Variants in SCRN3 observed in about 807,000 individuals in gnomAD.
SCRN3 encodes secernin 3.
SCRN3 carries 39 observed loss-of-function variants against 43.1 expected under a neutral mutation model. The ratio of observed to expected loss-of-function variants is 0.91; its 90% confidence interval spans 0.70 to 1.18. SCRN3 has a LOEUF of 1.18. SCRN3 is among the 50% of genes most tolerant of loss of function. The probability of loss-of-function intolerance (pLI) is 0.00; values close to 1 mark genes in which losing one functional copy is unlikely to be tolerated. For synonymous variants in SCRN3, 147 were observed against 163.1 expected (o/e 0.90, Z 0.75); for missense variants, 484 against 498.0 (o/e 0.97, Z 0.27).
intron 6 of SCRN3, among the ~76,000 whole-genome samples, chr2:174,424,005 A>G (rs1686393441): frequency 6.6e-6 from 1 of 151,694 alleles, no homozygotes; most frequent in Non-Finnish European, 1.5e-5. Flanking sequence ...GCCCAAGGCT[A>G]TTCTTGAACT....
chr2:174,397,610 C>G (rs1685367239), intron 1 of SCRN3, among the ~76,000 whole-genome samples: 1 of 152,102 alleles, frequency 6.6e-6, no homozygotes, highest in Non-Finnish European at 1.5e-5. Flanking sequence ...TGAGGAAGTA[C>G]TGGGCACGTA....
intron 5 of SCRN3, among the ~76,000 whole-genome samples, chr2:174,418,414 G>C (rs993277923): frequency 6.6e-6 from 1 of 152,132 alleles, no homozygotes; most frequent in Non-Finnish European, 1.5e-5. Flanking sequence ...TAACTGTGCT[G>C]CATGTATATC....
At chr2:174,420,276 C>T (rs1306633213) in intron 5 of SCRN3, among the ~76,000 whole-genome samples, 2 of 151,968 alleles carry the variant, frequency 1.3e-5, no homozygotes, top group African/African-American at 4.8e-5. Context: ...CAATTGAGAT[C>T]CCAGAAATGC....
At chr2:174,402,629 C>T (rs556276255) in intron 4 of SCRN3, among the ~76,000 whole-genome samples, 39 of 152,202 alleles carry the variant, frequency 2.6e-4, no homozygotes, top group Non-Finnish European at 4.9e-4. Context: ...GTCGAGGCTG[C>T]AGTGAGCTAT....
At position 174,400,022 on chromosome 2, in the gene SCRN3, G is replaced by C; in HGVS notation, c.260G>C (p.Gly87Ala). ...GCAGAAATGGGAGCCAATGAGCATG[G>C]AGTTTGCATTGGGAATGAAGCTGTA... ...WGAEMGANEH[G>A]VCIGNEAVWG... is the part of the protein sequence containing the mutation. Residue 87 changes from glycine (G) to alanine (A), a missense_variant, in exon 3 of 8, where the codon GGA becomes GCA. By Grantham distance (60) the Gly-to-Ala change is moderately conservative (BLOSUM62 0). Transcript: ENST00000272732. 1 of 1,601,732 alleles carries C rather than the reference G, an allele frequency of 6.2e-7. No homozygotes were observed. Among genetic ancestry groups the C allele is most frequent in the Non-Finnish European group, 8.5e-7 (1 of 1,175,206 alleles).
intron 5 of SCRN3, among the ~76,000 whole-genome samples, chr2:174,411,839 T>G (rs1685928376): frequency 6.6e-6 from 1 of 152,138 alleles, no homozygotes; most frequent in Non-Finnish European, 1.5e-5. Flanking sequence ...GAGAATCGCT[T>G]GAACCTGGGA....
At chr2:174,411,288 A>C (rs1685907950) in intron 5 of SCRN3, among the ~76,000 whole-genome samples, 1 of 152,218 alleles carries the variant, frequency 6.6e-6, no homozygotes, top group Non-Finnish European at 1.5e-5. Flanking sequence ...TTGGTATGAC[A>C]GATATTTATA....
At chr2:174,421,971 A>C (rs1574670324) in intron 5 of SCRN3, among the ~76,000 whole-genome samples, 1 of 152,162 alleles carries the variant, frequency 6.6e-6, no homozygotes, top group Admixed American at 6.5e-5. Flanking sequence ...ATAAATAATA[A>C]GCTGATGGGA....
At chr2:174,423,743 ACAGG>A (rs1260948357) in intron 6 of SCRN3, among the ~76,000 whole-genome samples, 3 of 148,256 alleles carry the variant, frequency 2.0e-5, no homozygotes. Flanking sequence ...TGCTGGGATT[ACAGG>A]CGTGAGCCAC....
chr2:174,424,742 T>C lies in SCRN3; in HGVS notation c.1092+93T>C, dbSNP rs369325636. On this transcript the variant is annotated intron_variant, in intron 7 of 7. Coordinates refer to ENST00000272732, the MANE Select transcript of SCRN3 (RefSeq NM_024583.5). ...TTGGAGTATCAGCTTTCCTCCCTTC[T>C]TATAAGAAATAGTTTTAGGAATAGT... is the stretch of plus-strand genomic sequence containing the variant. 22 of 915,754 alleles carry C rather than the reference T, an allele frequency of 2.4e-5. 1 individual carries two copies. Among genetic ancestry groups the C allele is most frequent in the East Asian group, 1.0e-4 (4 of 38,148 alleles). 56.7% of individuals were successfully genotyped at this position (915,754 alleles called of 1,614,324 possible). A position where few individuals can be genotyped will look rare whatever the true frequency, so the allele number is the denominator to read the frequency against.
At chr2:174,398,551 T>G in intron 2 of SCRN3, 109 bp downstream of exon 2, 9 of 917,308 alleles carry the variant, frequency 9.8e-6, no homozygotes, top group Non-Finnish European at 1.4e-5. Flanking sequence ...TTGAGGAGTT[T>G]ACATTTGAAA....
At chr2:174,414,804 C>T (rs1009662908) in intron 5 of SCRN3, among the ~76,000 whole-genome samples, 1 of 149,246 alleles carries the variant, frequency 6.7e-6, no homozygotes, top group African/African-American at 2.5e-5. Context: ...TGCTGTGTCC[C>T]CCAGGCTGGA....
Position 174,400,008 on chromosome 2 carries a change from A to G in SCRN3, c.246A>G (p.Gly82=), listed in dbSNP as rs891228875. 1 of 1,598,362 alleles carries G rather than the reference A, an allele frequency of 6.3e-7. No homozygotes were observed. The highest frequency in any genetic ancestry group is 8.5e-7 in the Non-Finnish European group (1 of 1,174,352). Residue 82 remains glycine (G), a synonymous_variant, in exon 3 of 8, where the codon GGA becomes GGG. Transcript: ENST00000272732. Reference sequence around the variant, plus strand: ...CGTGGTTGTGGGGGGCAGAAATGGGAGCCAATGAGCATGGAGTTTGCATTG... The same window carrying G: ...CGTGGTTGTGGGGGGCAGAAATGGGGGCCAATGAGCATGGAGTTTGCATTG... ...RPAWLWGAEM[G]ANEHGVCIGN... is the part of the protein sequence containing the mutation.
At chr2:174,429,669 T>C (rs1293385923), downstream of SCRN3, 1 of 152,198 alleles carries the variant, frequency 6.6e-6, no homozygotes, top group Non-Finnish European at 1.5e-5. Flanking sequence ...TCACTCTTGA[T>C]GTAGTACATC....
At chr2:174,425,330 A>G (rs1175283582) in intron 7 of SCRN3, among the ~76,000 whole-genome samples, 5 of 152,158 alleles carry the variant, frequency 3.3e-5, no homozygotes, top group Non-Finnish European at 7.4e-5. Flanking sequence ...GCTAAAGAAA[A>G]ATAATGGATA....
chr2:174,404,212 G>C lies in SCRN3; in HGVS notation c.651G>C (p.Lys217Asn). ...AKRKGWWDGK[K>N]EFDFAAAYSY... ...GGAAAGGTTGGTGGGATGGTAAAAA[G>C]GAGTTTGATTTTGCTGCAGCATATT... Residue 217 changes from lysine (K) to asparagine (N), a missense_variant, in exon 5 of 8, where the codon AAG becomes AAC. Physicochemically the swap from Lys to Asn is moderately conservative, Grantham distance 94 (BLOSUM62 0). Coordinates refer to ENST00000272732, the MANE Select transcript of SCRN3 (RefSeq NM_024583.5). The C allele has an allele frequency of 1.2e-6, 2 of 1,613,878 alleles. No homozygotes were observed. The highest frequency in any genetic ancestry group is 1.7e-6 in the Non-Finnish European group (2 of 1,179,834).
At chr2:174,423,765 G>A (rs887256825) in intron 6 of SCRN3, among the ~76,000 whole-genome samples, 3 of 145,982 alleles carry the variant, frequency 2.1e-5, no homozygotes, top group Non-Finnish European at 3.0e-5. Flanking sequence ...CACCGCACCC[G>A]GCCAAGTCTT....
At chr2:174,406,491 C>T (rs1192077489) in intron 5 of SCRN3, among the ~76,000 whole-genome samples, 1 of 144,096 alleles carries the variant, frequency 6.9e-6, no homozygotes, top group African/African-American at 2.5e-5. Flanking sequence ...ACTTCCAACA[C>T]TATGTTGAAT....
Position 174,427,853 on chromosome 2 carries a change from T to C in SCRN3, c.1233T>C (p.Ile411=). 1 of 807,666 alleles carries C rather than the reference T, an allele frequency of 1.2e-6. No individual in the cohort carries two copies. Among genetic ancestry groups the C allele is most frequent in the Non-Finnish European group, 1.8e-6 (1 of 558,274 alleles). The allele number at this position is 807,666 out of a possible 1,614,324, so 50.0% of individuals were successfully genotyped here. A position where few individuals can be genotyped will look rare whatever the true frequency, so the allele number is the denominator to read the frequency against. The change falls in exon 8 of 8, where the codon ATT becomes ATC. Residue 411 remains isoleucine, a synonymous_variant. Transcript: ENST00000272732. ...TTCCTCAGTGTACAAAAGATGAAAT[T>C]CAAATTTATCAGTCAAATTTATCAG... ...NLFPQCTKDE[I]QIYQSNLSVK...
Sources: gnomAD v4.1 joint callset for allele counts (sites outside exome capture counted in the v4.1 genomes callset) on GRCh38, gnomAD v4.1.1 for gene constraint, MANE v1.5 for transcripts, NCBI Gene and HGNC (gene_info 2026-07-23, HGNC 2026-07-21) for gene names.